The following RANBP2 variants were observed in gnomAD, a reference collection of about 807,000 sequenced individuals.
RANBP2 encodes the protein E3 SUMO-protein ligase RanBP2.
In RANBP2, 57 loss-of-function variants were observed where a neutral mutation model predicts 303.6. The ratio of observed to expected loss-of-function variants is 0.19; its 90% CI spans 0.15 to 0.23. The LOEUF is 0.23. RANBP2 is among the 10% of genes least tolerant of loss of function. The pLI, the probability that RANBP2 is intolerant of heterozygous loss-of-function variation, is 1.00. For missense variants in RANBP2, 3,138 were observed against 3,780.8 expected (o/e 0.83, Z 4.46); for synonymous variants, 1,167 against 1,301.5 (o/e 0.90, Z 2.23).
chr2:109,263,855 G>C, the RANBP2 span, among the ~76,000 whole-genome samples: 2 of 152,216 alleles, frequency 1.3e-5, no homozygotes, highest in Non-Finnish European at 2.9e-5. Context: ...GTAGTCCCCA[G>C]CTGCTCGGGA....
the RANBP2 span, among the ~76,000 whole-genome samples, chr2:109,766,950 C>T: frequency 1.4e-5 from 2 of 145,446 alleles, no homozygotes; most frequent in Non-Finnish European, 3.0e-5. Context: ...TGGCTGTTCC[C>T]TTTTGTCTTG....
chr2:109,301,087 T>C, the RANBP2 span, among the ~76,000 whole-genome samples: 1 of 152,224 alleles, frequency 6.6e-6, no homozygotes, highest in Non-Finnish European at 1.5e-5. Flanking sequence ...AAATTCTCAA[T>C]AAATAATCAT....
the RANBP2 span, among the ~76,000 whole-genome samples, chr2:109,253,865 A>G: frequency 6.6e-6 from 1 of 152,146 alleles, no homozygotes; most frequent in African/African-American, 2.4e-5. Flanking sequence ...CCAGAAAGTA[A>G]TGTATGAGTA....
the RANBP2 span, chr2:109,794,847 C>T: frequency 6.2e-6 from 1 of 160,858 alleles, no homozygotes; most frequent in Non-Finnish European, 7.5e-6. Context: ...GTGCTCGCTC[C>T]TGGGCCCGTC....
downstream of RANBP2, chr2:108,786,662 G>A (rs969881219): frequency 1.6e-6 from 1 of 642,378 alleles, no homozygotes; most frequent in Non-Finnish European, 2.8e-6. Flanking sequence ...GCGCTGACAA[G>A]CCGGGCTGCA....
At chr2:108,893,484 C>T in the RANBP2 span, among the ~76,000 whole-genome samples, 1 of 151,430 alleles carries the variant, frequency 6.6e-6, no homozygotes, top group African/African-American at 2.4e-5. Context: ...TATCCTGGCA[C>T]GAAGGAATAA....
intron 1 of RANBP2, among the ~76,000 whole-genome samples, chr2:108,723,127 C>T (rs1332443632): frequency 1.3e-5 from 2 of 152,116 alleles, no homozygotes; most frequent in Non-Finnish European, 2.9e-5. Context: ...CCACCTACCT[C>T]TGTTTCCTGA....
the RANBP2 span, among the ~76,000 whole-genome samples, chr2:109,655,374 C>T: frequency 1.3e-5 from 2 of 152,188 alleles, no homozygotes; most frequent in Admixed American, 1.3e-4. Flanking sequence ...CTGGTCCAAT[C>T]AAGTCTCTCA....
At chr2:109,116,450 C>T in the RANBP2 span, among the ~76,000 whole-genome samples, 32 of 152,310 alleles carry the variant, frequency 2.1e-4, no homozygotes, top group Admixed American at 9.8e-4. Flanking sequence ...GCATTCTTCA[C>T]GTAGTTCTAG....
the RANBP2 span, among the ~76,000 whole-genome samples, chr2:109,199,592 T>TAC: frequency 0.061 from 8 of 132 alleles, no homozygotes; most frequent in East Asian, 0.25. Context: ...TGGAATGGAA[T>TAC]GGAATGGAAT....
chr2:109,624,651 C>T, the RANBP2 span, among the ~76,000 whole-genome samples: 2 of 152,176 alleles, frequency 1.3e-5, no homozygotes, highest in Admixed American at 6.5e-5. Flanking sequence ...ATTAGTGCCA[C>T]CCTGGTGAGT....
the RANBP2 span, chr2:108,839,265 A>C: frequency 6.2e-7 from 1 of 1,612,808 alleles, no homozygotes; most frequent in African/African-American, 1.3e-5. Flanking sequence ...TAAAATTTAT[A>C]TATTGGTCCC....
At chr2:109,495,477 C>CTTTTTTTTTTTTT in the RANBP2 span, among the ~76,000 whole-genome samples, 15 of 94,240 alleles carry the variant, frequency 1.6e-4, no homozygotes, top group African/African-American at 6.9e-4. Flanking sequence ...TCTTTCATTC[C>CTTTTTTTTTTTTT]TTTTTTTTTT....
chr2:109,398,645 C>G, the RANBP2 span: 1 of 1,602,092 alleles, frequency 6.2e-7, no homozygotes, highest in Non-Finnish European at 8.5e-7. Flanking sequence ...CCAGCCGCTG[C>G]ATCCAGCTGC....
At chr2:109,198,724 T>A in the RANBP2 span, among the ~76,000 whole-genome samples, 4 of 152,088 alleles carry the variant, frequency 2.6e-5, no homozygotes, top group South Asian at 4.1e-4. Context: ...TTCGTGAAGG[T>A]TCCACCCTCA....
the RANBP2 span, among the ~76,000 whole-genome samples, chr2:108,829,841 T>C: frequency 6.6e-6 from 1 of 152,170 alleles, no homozygotes; most frequent in African/African-American, 2.4e-5. Flanking sequence ...GAATGTAAAA[T>C]GCAGCTGCTG....
chr2:109,574,491 AG>A, the RANBP2 span: 1 of 783,058 alleles, frequency 1.3e-6, no homozygotes, highest in Non-Finnish European at 1.8e-6. Context: ...ACAGGATAAA[AG>A]TTACAATATA....
chr2:109,156,789 G>A, the RANBP2 span, among the ~76,000 whole-genome samples: 1 of 152,108 alleles, frequency 6.6e-6, no homozygotes, highest in Non-Finnish European at 1.5e-5. Flanking sequence ...TGTTGTAGGA[G>A]ATAGAAACGT....
chr2:108,922,706 G>A, the RANBP2 span, among the ~76,000 whole-genome samples: 8 of 152,168 alleles, frequency 5.3e-5, no homozygotes, highest in African/African-American at 7.2e-5. Context: ...CCTGCAGCCC[G>A]GCACCAGACA....
Sources: gnomAD v4.1 joint callset for allele counts (sites outside exome capture counted in the v4.1 genomes callset) on GRCh38, gnomAD v4.1.1 for gene constraint, MANE v1.5 for transcripts, NCBI Gene and HGNC (gene_info 2026-07-23, HGNC 2026-07-21) for gene names.